The following BLTP1 variants were observed in gnomAD, a reference collection of about 807,000 sequenced individuals.
The protein encoded by BLTP1 is bridge-like lipid transfer protein family member 1, also known as fragile site-associated protein.
chr4:122,247,494 A>G, the BLTP1 span: 3 of 1,073,248 alleles, frequency 2.8e-6, no homozygotes, highest in Non-Finnish European at 2.7e-6. Context: ...ATTTCTCCCT[A>G]TATTGAACAC....
At chr4:122,211,547 T>C in the BLTP1 span, among the ~76,000 whole-genome samples, 1 of 152,188 alleles carries the variant, frequency 6.6e-6, no homozygotes, top group Non-Finnish European at 1.5e-5. Context: ...GAACAAATAT[T>C]TGCTTGGTGC....
At chr4:122,355,587 G>GTATATATACATATGTA in the BLTP1 span, among the ~76,000 whole-genome samples, 4 of 147,718 alleles carry the variant, frequency 2.7e-5, no homozygotes, top group Admixed American at 1.4e-4. Flanking sequence ...ATAAATATAT[G>GTATATATACATATGTA]TATATATACA....
the BLTP1 span, chr4:122,230,074 A>G: frequency 6.2e-7 from 1 of 1,614,200 alleles, no homozygotes; most frequent in African/African-American, 1.3e-5. Context: ...CTGCAGTGCT[A>G]CGGAGGGCCT....
the BLTP1 span, among the ~76,000 whole-genome samples, chr4:122,294,389 C>T: frequency 6.6e-6 from 1 of 152,118 alleles, no homozygotes; most frequent in African/African-American, 2.4e-5. Context: ...GGCAGAGGCC[C>T]CAGAGGAAGG....
chr4:122,272,804 C>A, the BLTP1 span, among the ~76,000 whole-genome samples: 3 of 151,792 alleles, frequency 2.0e-5, no homozygotes, highest in African/African-American at 7.3e-5. Context: ...AAAAGAAGTC[C>A]CTTTAGTTGA....
the BLTP1 span, among the ~76,000 whole-genome samples, chr4:122,317,348 A>T: frequency 6.6e-6 from 1 of 151,696 alleles, no homozygotes; most frequent in Non-Finnish European, 1.5e-5. Context: ...AAAAAAAGGC[A>T]TGAAATCCTA....
At chr4:122,259,717 G>A in the BLTP1 span, among the ~76,000 whole-genome samples, 138 of 152,078 alleles carry the variant, frequency 9.1e-4, 1 homozygote, top group South Asian at 5.0e-3. Flanking sequence ...AAAATTAGCC[G>A]GGTGTGGTGG....
the BLTP1 span, among the ~76,000 whole-genome samples, chr4:122,265,575 A>G: frequency 6.6e-6 from 1 of 152,234 alleles, no homozygotes; most frequent in Non-Finnish European, 1.5e-5. Flanking sequence ...ATTTAGAGTC[A>G]GTTAAAGAGA....
the BLTP1 span, chr4:122,245,218 T>C: frequency 7.6e-6 from 10 of 1,307,210 alleles, no homozygotes; most frequent in Admixed American, 2.1e-4. Context: ...TTGAAAAATT[T>C]TCTTTACAAG....
the BLTP1 span, chr4:122,336,173 G>T: frequency 1.3e-5 from 20 of 1,545,434 alleles, no homozygotes; most frequent in Non-Finnish European, 1.7e-5. Flanking sequence ...CCATTAAATG[G>T]AATTTATAAA....
the BLTP1 span, chr4:122,231,896 T>A: frequency 1.2e-6 from 1 of 839,078 alleles, no homozygotes; most frequent in Non-Finnish European, 1.4e-6. Context: ...ATTAATCTTT[T>A]AAATTAATTG....
chr4:122,300,490 T>C, the BLTP1 span, among the ~76,000 whole-genome samples: 1 of 152,172 alleles, frequency 6.6e-6, no homozygotes, highest in Non-Finnish European at 1.5e-5. Flanking sequence ...CTTGGTCTTA[T>C]CTTGGATGTA....
the BLTP1 span, among the ~76,000 whole-genome samples, chr4:122,319,539 A>AT: frequency 0.013 from 1,769 of 131,642 alleles, 22 homozygotes; most frequent in East Asian, 0.037. Context: ...ATGATTTATA[A>AT]TTTTTTTTTT....
the BLTP1 span, chr4:122,185,369 C>T: frequency 7.1e-6 from 7 of 984,646 alleles, no homozygotes; most frequent in Non-Finnish European, 7.2e-6. Context: ...CAAAAGAAAG[C>T]ATTGATTGTG....
chr4:122,223,214 T>G, the BLTP1 span: 2 of 915,144 alleles, frequency 2.2e-6, no homozygotes, highest in Non-Finnish European at 2.6e-6. Flanking sequence ...TTAAAAAAAG[T>G]TTCTTATGAA....
chr4:122,220,743 C>G, the BLTP1 span, among the ~76,000 whole-genome samples: 1 of 152,066 alleles, frequency 6.6e-6, no homozygotes, highest in African/African-American at 2.4e-5. Context: ...AGTACTTTCT[C>G]AAATATTTAT....
chr4:122,184,120 TA>T, the BLTP1 span, among the ~76,000 whole-genome samples: 1 of 152,142 alleles, frequency 6.6e-6, no homozygotes, highest in Non-Finnish European at 1.5e-5. Flanking sequence ...AATATGCACC[TA>T]AAGTAAATCT....
At chr4:122,257,224 A>G in the BLTP1 span, 1 of 1,602,918 alleles carries the variant, frequency 6.2e-7, no homozygotes, top group Non-Finnish European at 8.5e-7. Context: ...ATTACATTAG[A>G]TTACTTCTAA....
chr4:122,345,500 G>A, the BLTP1 span, among the ~76,000 whole-genome samples: 1 of 151,952 alleles, frequency 6.6e-6, no homozygotes, highest in Non-Finnish European at 1.5e-5. Flanking sequence ...TTAATTGGTT[G>A]GAGCCAATTA....
Sources: allele counts gnomAD v4.1 joint callset (sites outside exome capture counted in the v4.1 genomes callset), GRCh38; gene constraint gnomAD v4.1.1; transcripts MANE v1.5; gene names NCBI Gene and HGNC (gene_info 2026-07-23, HGNC 2026-07-21).